EOGT: variants seen among roughly 807,000 people sequenced by gnomAD.
EOGT encodes EGF domain-specific O-linked N-acetylglucosamine transferase.
Under a neutral mutation model 70.5 loss-of-function variants are expected in EOGT, and 55 were observed. The observed-to-expected ratio is 0.78, with a 90% CI of 0.63 to 0.98. EOGT has a LOEUF of 0.98. EOGT is among the 50% of genes least tolerant of loss of function. The probability of loss-of-function intolerance (pLI) is 0.00; values close to 1 mark genes in which losing one functional copy is unlikely to be tolerated. For missense variants in EOGT, 703 were observed against 641.9 expected (o/e 1.10, Z -1.03); for synonymous variants, 246 against 217.1 (o/e 1.13, Z -1.17).
At chr3:68,998,850 A>T (rs2091225315) in intron 9 of EOGT, among the ~76,000 whole-genome samples, 1 of 56,554 alleles carries the variant, frequency 1.8e-5, no homozygotes, top group Non-Finnish European at 3.5e-5. Flanking sequence ...AAAAAAAAAA[A>T]ACCAGAAAAA....
Position 68,994,910 on chromosome 3 carries a change from G to T in EOGT, c.831+3101C>A, listed in dbSNP as rs958890650. 9.4e-4 allele frequency among the ~76,000 whole-genome samples: 143 copies of T among 152,182 alleles called. 2 individuals are homozygous for T. Among genetic ancestry groups the T allele is most frequent in the Non-Finnish European group, 1.3e-4 (9 of 68,030 alleles). ...TGTTTGATAAGAGCAACCCTGCTGT[G>T]CCCAGAGAGGCATCTGAAGATGGGT... On this transcript the variant is annotated intron_variant, in intron 10 of 17. Transcript: ENST00000383701.
Position 68,998,071 on chromosome 3 carries a change from A to G in EOGT, c.771T>C (p.Tyr257=), listed in dbSNP as rs2091200593. 6.2e-7 allele frequency: 1 copy of G among 1,601,370 alleles called. No homozygotes were observed. Among genetic ancestry groups the G allele is most frequent in the Non-Finnish European group, 8.5e-7 (1 of 1,173,524 alleles). ...ATGAGTTATTAACGTGCTGAGTAATATAAAGATTGATGAAATCACAGAAGT... is the reference window on the plus strand; with the variant it reads ...ATGAGTTATTAACGTGCTGAGTAATGTAAAGATTGATGAAATCACAGAAGT... The part of the protein sequence containing the change: ...YHHFCDFINL[Y]ITQHVNNSFS... Residue 257 remains tyrosine (Y), a synonymous_variant, in exon 10 of 18, where the codon TAT becomes TAC. Transcript: ENST00000383701.
At chr3:69,001,212 C>T (rs977923532) in intron 9 of EOGT, among the ~76,000 whole-genome samples, 1 of 152,102 alleles carries the variant, frequency 6.6e-6, no homozygotes, top group Non-Finnish European at 1.5e-5. Flanking sequence ...CCTGCCTCGG[C>T]CTCCCACAGT....
chr3:69,009,577 C>A, intron 4 of EOGT, 60 bp downstream of exon 4: 2 of 1,364,164 alleles, frequency 1.5e-6, no homozygotes, highest in Non-Finnish European at 2.1e-6. Context: ...TAAAGCAGAA[C>A]CTGTAAGCCA....
chr3:68,996,694 C>G (rs893485523), intron 10 of EOGT, among the ~76,000 whole-genome samples: 5 of 152,216 alleles, frequency 3.3e-5, no homozygotes, highest in African/African-American at 1.2e-4. Context: ...ACTGCTAGCA[C>G]TCCCTCTGGA....
At chr3:68,990,765 T>A (rs576849040) in intron 10 of EOGT, among the ~76,000 whole-genome samples, 76 of 152,340 alleles carry the variant, frequency 5.0e-4, no homozygotes, top group African/African-American at 1.7e-3. Flanking sequence ...AAATATGCAT[T>A]GTAGCACTAC....
rs751503255 is a variant in EOGT at position 69,001,647 on chromosome 3, C to T, written c.688G>A (p.Val230Ile). The T allele has an allele frequency of 6.2e-7, 1 of 1,610,768 alleles. No individual in the cohort carries two copies. The highest frequency in any genetic ancestry group is 1.1e-5 in the South Asian group (1 of 90,084). ...ATGAAATATGTTGGTTTTTCAATGA[C>T]AATGTCACATTTAGCATCTTCTATA... Reference protein sequence around the residue: ...RPIEDAKCDIVIEKPTYFMKL... With the variant: ...RPIEDAKCDIIIEKPTYFMKL... The change falls in exon 9 of 18, where the codon GTC becomes ATC. Residue 230 changes from valine (V) to isoleucine (I), a missense_variant. Coordinates refer to ENST00000383701, the MANE Select transcript of EOGT (RefSeq NM_001278689.2).
At chr3:69,008,711 C>G (rs950144458) in intron 4 of EOGT, among the ~76,000 whole-genome samples, 183 bp from the exon 5 acceptor site, 1 of 152,196 alleles carries the variant, frequency 6.6e-6, no homozygotes, top group African/African-American at 2.4e-5. Context: ...AGGTTCTTAA[C>G]AATCCTCCTT....
chr3:68,988,500 G>A lies in EOGT; in HGVS notation c.996+6C>T, dbSNP rs1342233696. On this transcript the variant is annotated splice_donor_region_variant and intron_variant, in intron 12 of 17. Coordinates refer to ENST00000383701, the MANE Select transcript of EOGT (RefSeq NM_001278689.2). ...TATGAATGCTAATGGTAGACAATGT[G>A]CTTACCAGAGGAGTATTATAGAACA... 2 of 1,528,128 alleles carry A rather than the reference G, an allele frequency of 1.3e-6. No homozygotes were observed. Among genetic ancestry groups the A allele is most frequent in the South Asian group, 1.2e-5 (1 of 83,754 alleles). The allele number at this position is 1,528,128 out of a possible 1,614,324, so 94.7% of individuals were successfully genotyped here. A position where few individuals can be genotyped will look rare whatever the true frequency, so the allele number is the denominator to read the frequency against.
At chr3:68,977,888 C>T in intron 17 of EOGT, 124 bp from the exon 18 acceptor site, 1 of 968,730 alleles carries the variant, frequency 1.0e-6, no homozygotes, top group Non-Finnish European at 1.5e-6. Flanking sequence ...GACCAGCAAA[C>T]TTTTCCTGAT....
intron 9 of EOGT, among the ~76,000 whole-genome samples, chr3:69,000,386 T>G (rs1297888811): frequency 6.6e-6 from 1 of 152,232 alleles, no homozygotes; most frequent in African/African-American, 2.4e-5. Context: ...TCACACATAT[T>G]TGCCACTTTT....
intron 14 of EOGT, among the ~76,000 whole-genome samples, chr3:68,986,982 T>C (rs1429721227): frequency 1.3e-5 from 2 of 152,250 alleles, no homozygotes; most frequent in Non-Finnish European, 2.9e-5. Context: ...ATGTAATTTA[T>C]GAGTTGGTGC....
At chr3:69,013,344 C>A (rs2091625097) in intron 1 of EOGT, among the ~76,000 whole-genome samples, 1 of 151,592 alleles carries the variant, frequency 6.6e-6, no homozygotes, top group African/African-American at 2.4e-5. Context: ...GCGCTCCGGG[C>A]GCTGGGAAGG....
intron 14 of EOGT, 25 bp downstream of exon 14, chr3:68,987,420 T>C (rs2090844930): frequency 1.3e-6 from 2 of 1,550,520 alleles, no homozygotes; most frequent in African/African-American, 1.4e-5. Flanking sequence ...TATGAAGGCA[T>C]TAAAAATGCA....
intron 16 of EOGT, among the ~76,000 whole-genome samples, chr3:68,978,664 A>T (rs2090543313): frequency 6.6e-6 from 1 of 150,540 alleles, no homozygotes; most frequent in African/African-American, 2.4e-5. Context: ...GAGAGAATTG[A>T]CCTTATTCAA....
chr3:68,977,907 G>T, intron 17 of EOGT, 143 bp from the exon 18 acceptor site: 1 of 787,214 alleles, frequency 1.3e-6, no homozygotes, highest in Non-Finnish European at 2.0e-6. Context: ...ATAAGGGCCA[G>T]ATGATAAATA....
intron 9 of EOGT, 87 bp from the exon 10 acceptor site, chr3:68,998,201 T>G (rs2091204191): frequency 1.3e-6 from 1 of 741,348 alleles, no homozygotes; most frequent in African/African-American, 1.8e-5. Flanking sequence ...ATTTACAGTT[T>G]AAGAGAATTT....
chr3:68,982,794 G>T lies in EOGT; in HGVS notation c.1214+17C>A. 6.3e-7 allele frequency: 1 copy of T among 1,584,422 alleles called. No individual in the cohort carries two copies. Among genetic ancestry groups the T allele is most frequent in the South Asian group, 1.2e-5 (1 of 86,206 alleles). ...AGCAAAAGTTGACAGTGTCTGCTGA[G>T]ATTGGCTATTACTTACCTATACTTG... On this transcript the variant is annotated intron_variant, in intron 15 of 17. Transcript: ENST00000383701.
chr3:68,987,408 A>T, intron 14 of EOGT, 37 bp downstream of exon 14: 1 of 1,351,292 alleles, frequency 7.4e-7, no homozygotes, highest in Non-Finnish European at 1.1e-6. Flanking sequence ...CTATGAATTG[A>T]ATATGAAGGC....
Sources: allele counts gnomAD v4.1 joint callset (sites outside exome capture counted in the v4.1 genomes callset), GRCh38; gene constraint gnomAD v4.1.1; transcripts MANE v1.5; gene names NCBI Gene and HGNC (gene_info 2026-07-23, HGNC 2026-07-21).